NTM: variants seen among roughly 807,000 people sequenced by gnomAD.
NTM encodes IgLON family member 2.
NTM carries 13 observed loss-of-function variants against 42.1 expected under a neutral mutation model. The ratio of observed to expected loss-of-function variants is 0.31; its 90% CI spans 0.20 to 0.49. NTM has a LOEUF of 0.49. Among genes scored for constraint, NTM ranks in the 20% least tolerant of loss-of-function variants. The pLI is 0.99. For missense variants in NTM, 373 were observed against 452.8 expected, an observed-to-expected ratio of 0.82 and a Z score of 1.60; for synonymous variants, 187 against 179.2, an observed-to-expected ratio of 1.04 and a Z score of -0.35.
intron 4 of NTM, among the ~76,000 whole-genome samples, chr11:132,269,027 G>C (rs1268239707): frequency 6.6e-6 from 1 of 152,102 alleles, no homozygotes; most frequent in Non-Finnish European, 1.5e-5. Flanking sequence ...TCCAAAGCAA[G>C]AGGGGAGAAA....
At chr11:132,099,684 G>A (rs550857109) in intron 2 of NTM, among the ~76,000 whole-genome samples, 2 of 152,266 alleles carry the variant, frequency 1.3e-5, no homozygotes, top group South Asian at 4.1e-4. Flanking sequence ...GAGAAGAAAA[G>A]CAAGTCTTAA....
chr11:132,020,215 A>G (rs935634551), intron 2 of NTM, among the ~76,000 whole-genome samples: 1 of 151,878 alleles, frequency 6.6e-6, no homozygotes, highest in African/African-American at 2.4e-5. Flanking sequence ...TATGTACCAC[A>G]TTTTCTTTAT....
At chr11:131,657,010 G>A (rs1001112328) in intron 1 of NTM, among the ~76,000 whole-genome samples, 6 of 152,040 alleles carry the variant, frequency 3.9e-5, no homozygotes, top group Admixed American at 6.6e-5. Context: ...GGAACTGAGG[G>A]GGTTAACCAA....
intron 4 of NTM, among the ~76,000 whole-genome samples, chr11:132,256,264 G>T (rs2092460780): frequency 6.6e-6 from 1 of 152,134 alleles, no homozygotes; most frequent in South Asian, 2.1e-4. Flanking sequence ...GCCCTTCATT[G>T]AGGAAGACAG....
intron 1 of NTM, among the ~76,000 whole-genome samples, chr11:131,790,011 T>A (rs1293306909): frequency 7.1e-6 from 1 of 140,708 alleles, no homozygotes; most frequent in Non-Finnish European, 1.6e-5. Flanking sequence ...AAACAACACA[T>A]TTTGTAGTTA....
At chr11:132,130,977 T>G (rs958748865) in intron 2 of NTM, among the ~76,000 whole-genome samples, 2 of 152,226 alleles carry the variant, frequency 1.3e-5, no homozygotes, top group Non-Finnish European at 2.9e-5. Flanking sequence ...CCAACTTTCT[T>G]ATGATGATGC....
chr11:131,887,002 G>A (rs1241316098), intron 1 of NTM, among the ~76,000 whole-genome samples: 1 of 152,222 alleles, frequency 6.6e-6, no homozygotes, highest in African/African-American at 2.4e-5. Flanking sequence ...CAAATAGGCA[G>A]CTGGTAAAAC....
At chr11:132,171,782 T>C (rs371760323) in intron 3 of NTM, among the ~76,000 whole-genome samples, 1 of 152,224 alleles carries the variant, frequency 6.6e-6, no homozygotes, top group East Asian at 1.9e-4. Context: ...ATTGGATAGA[T>C]AGATCAGAAT....
In NTM at chr11:132,003,080, C is replaced by T. The variant is rs1190024738; in HGVS notation, c.167+91432C>T. On this transcript the variant is annotated intron_variant, in intron 2 of 8. Transcript: ENST00000683400. This position sits in a 1 kb window ranked among gnomAD's most constrained non-coding sequence, Gnocchi z 6.0. ...CGCACTAAACAGTAAGATGCGCTGC[C>T]ACAGTTGTGTGTGTAATTGACTTTT... 1.3e-5 allele frequency among the ~76,000 whole-genome samples: 2 copies of T among 152,046 alleles called. No individual in the cohort carries two copies. The highest frequency in any genetic ancestry group is 2.1e-4 in the South Asian group (1 of 4,820).
At chr11:132,249,606 C>G (rs1223334921) in intron 4 of NTM, among the ~76,000 whole-genome samples, 1 of 152,194 alleles carries the variant, frequency 6.6e-6, no homozygotes, top group South Asian at 2.1e-4. Flanking sequence ...CCTCCTTCTC[C>G]TTAGAATCCT....
chr11:132,092,523 T>C (rs2060494451), intron 2 of NTM, among the ~76,000 whole-genome samples: 1 of 152,174 alleles, frequency 6.6e-6, no homozygotes, highest in African/African-American at 2.4e-5. Flanking sequence ...TCTTTCATGG[T>C]GTTCTTTGGG....
At chr11:132,092,916 C>A (rs2060534878) in intron 2 of NTM, among the ~76,000 whole-genome samples, 1 of 152,184 alleles carries the variant, frequency 6.6e-6, no homozygotes, top group Non-Finnish European at 1.5e-5. Flanking sequence ...ACTCAAGCTG[C>A]CTGATCTCTC....
chr11:131,824,473 T>A (rs1014846502), intron 1 of NTM, among the ~76,000 whole-genome samples: 2 of 152,166 alleles, frequency 1.3e-5, no homozygotes, highest in East Asian at 3.9e-4. Context: ...ATGCGGCAAG[T>A]TCTGTAATAG....
chr11:131,804,822 C>G (rs199965263), intron 1 of NTM, among the ~76,000 whole-genome samples: 12 of 152,176 alleles, frequency 7.9e-5, no homozygotes, highest in Non-Finnish European at 1.5e-4. Context: ...CATGAAAGCT[C>G]TACCCTCATG....
chr11:131,555,072 C>A (rs2055222629), intron 1 of NTM, among the ~76,000 whole-genome samples: 1 of 152,072 alleles, frequency 6.6e-6, no homozygotes, highest in Admixed American at 6.6e-5. Context: ...TGAGGTGGAA[C>A]AATTACTTGA....
At chr11:132,007,845 G>A (rs2071162969) in intron 2 of NTM, among the ~76,000 whole-genome samples, 1 of 152,056 alleles carries the variant, frequency 6.6e-6, no homozygotes, top group South Asian at 2.1e-4. Flanking sequence ...ACAAAGTGAG[G>A]GGCCAACTGA....
At chr11:131,516,354 T>G (rs1464255716) in intron 1 of NTM, among the ~76,000 whole-genome samples, 2 of 152,228 alleles carry the variant, frequency 1.3e-5, no homozygotes, top group Non-Finnish European at 2.9e-5. Context: ...CCTGTGCCCT[T>G]TGTGCAAGTT....
chr11:131,613,269 C>A (rs982296958), intron 1 of NTM, among the ~76,000 whole-genome samples: 1 of 152,152 alleles, frequency 6.6e-6, no homozygotes, highest in Non-Finnish European at 1.5e-5. Context: ...CTGATGCCCT[C>A]CCCACCCATC....
In NTM at chr11:131,664,866, G is replaced by A. The variant is rs541057005; in HGVS notation, c.83-246698G>A. ...TCCTTTAATGACAGACAGAATAAAG[G>A]GATGATTGTTACTCAGAGAAGCTAA... On this transcript the variant is annotated intron_variant, in intron 1 of 8. Transcript: ENST00000683400. Among the ~76,000 whole-genome samples, 17 of 150,970 alleles carry A rather than the reference G, an allele frequency of 1.1e-4. No individual in the cohort carries two copies. The South Asian group carries it at 3.4e-3, about 30-fold the overall frequency.
Sources: allele counts gnomAD v4.1 joint callset (sites outside exome capture counted in the v4.1 genomes callset), GRCh38; gene constraint gnomAD v4.1.1; non-coding constraint Gnocchi (gnomAD v3.1); transcripts MANE v1.5; gene names NCBI Gene and HGNC (gene_info 2026-07-23, HGNC 2026-07-21).